Variants in TSPAN8 observed in about 807,000 individuals in gnomAD.
The protein encoded by TSPAN8 is tetraspanin-8.
In TSPAN8, 21 loss-of-function variants were observed where a neutral mutation model predicts 32.8. The ratio of observed to expected loss-of-function variants is 0.64; its 90% CI spans 0.45 to 0.92. The LOEUF (loss-of-function observed/expected upper bound fraction) is 0.92. Among genes scored for constraint, TSPAN8 ranks in the 40% least tolerant of loss-of-function variants. The pLI is 0.00. For synonymous variants in TSPAN8, 95 were observed against 94.6 expected (o/e 1.00, Z -0.03); for missense variants, 269 against 281.9 (o/e 0.95, Z 0.33).
At chr12:71,150,528 G>C (rs117672266) in intron 2 of TSPAN8, among the ~76,000 whole-genome samples, 1 of 151,996 alleles carries the variant, frequency 6.6e-6, no homozygotes, top group Admixed American at 6.6e-5. Flanking sequence ...TGTCACCCCC[G>C]GCAGCCCAGC....
In TSPAN8 at chr12:71,132,801, A is replaced by G. The variant is rs749879513; in HGVS notation, c.468T>C (p.Asn156=). ...QEEFKCCGLV[N]GAADWGNNFQ... ...AATTATTTCCCCAATCAGCAGCTCC[A>G]TTGACCAAACCGCAGCATTTAAACT... is the stretch of plus-strand genomic sequence containing the variant. The change falls in exon 7 of 9, where the codon AAT becomes AAC. Residue 156 remains asparagine (N), a synonymous_variant. Transcript: ENST00000247829. The G allele has an allele frequency of 6.2e-7, 1 of 1,614,010 alleles. No individual in the cohort carries two copies. Among genetic ancestry groups the G allele is most frequent in the Non-Finnish European group, 8.5e-7 (1 of 1,179,964 alleles).
intron 6 of TSPAN8, among the ~76,000 whole-genome samples, chr12:71,135,703 T>C (rs1445038907): frequency 2.0e-5 from 3 of 152,094 alleles, no homozygotes; most frequent in African/African-American, 7.2e-5. Flanking sequence ...AAACCCAGGA[T>C]TGGCATGGAG....
intron 8 of TSPAN8, among the ~76,000 whole-genome samples, chr12:71,126,488 T>A (rs1705264): frequency 0.82 from 124,612 of 151,860 alleles, 51,325 homozygotes; most frequent in Admixed American, 0.87. Context: ...ATAGAAGCCG[T>A]CAATTTATCA....
At chr12:71,142,817 GAAC>G (rs767408005) in intron 3 of TSPAN8, among the ~76,000 whole-genome samples, 12 of 107,302 alleles carry the variant, frequency 1.1e-4, no homozygotes, top group African/African-American at 3.2e-4. Flanking sequence ...AAAAGGAAAA[GAAC>G]AACAGGAGAG....
intron 6 of TSPAN8, among the ~76,000 whole-genome samples, chr12:71,135,224 A>G (rs973948163): frequency 0.016 from 842 of 54,316 alleles, 11 homozygotes; most frequent in African/African-American, 0.034. Context: ...AGGAGGAGGA[A>G]GAAGAAGGAG....
intron 2 of TSPAN8, among the ~76,000 whole-genome samples, chr12:71,145,751 G>C (rs2137057017): frequency 6.6e-6 from 1 of 152,150 alleles, no homozygotes; most frequent in Non-Finnish European, 1.5e-5. Context: ...TTTGTTTGTT[G>C]TTTAGTTTGT....
intron 2 of TSPAN8, among the ~76,000 whole-genome samples, chr12:71,144,470 G>T (rs1443054786): frequency 6.6e-6 from 1 of 152,074 alleles, no homozygotes; most frequent in Non-Finnish European, 1.5e-5. Flanking sequence ...ATTTCCATTA[G>T]GCCTGGAAAG....
rs1871309611 is a variant in TSPAN8, at chr12:71,125,111, CTTTTA to C, written c.*218_*222del. ...AGAAAAGCACCAACGTAAACAGTTACTTTTATTTTGAGTAAAAATACACATTCATA... is the reference window on the plus strand; with the variant it reads ...AGAAAAGCACCAACGTAAACAGTTACTTTTGAGTAAAAATACACATTCATA... On this transcript the variant is annotated 3_prime_UTR_variant, in exon 9 of 9. Coordinates refer to ENST00000247829, the MANE Select transcript of TSPAN8 (RefSeq NM_004616.3). 4.4e-6 allele frequency: 2 copies of C among 449,504 alleles called. No homozygotes were observed. Among genetic ancestry groups the C allele is most frequent in the Non-Finnish European group, 7.9e-6 (2 of 252,172 alleles). 27.8% of individuals were successfully genotyped at this position (449,504 alleles called of 1,614,324 possible).
chr12:71,130,867 A>T (rs1565782602), intron 7 of TSPAN8, among the ~76,000 whole-genome samples: 1 of 152,216 alleles, frequency 6.6e-6, no homozygotes, highest in African/African-American at 2.4e-5. Context: ...AATTATGGCC[A>T]TTCCATATTT....
At chr12:71,153,770 T>C (rs1223505890) in intron 2 of TSPAN8, among the ~76,000 whole-genome samples, 1 of 152,176 alleles carries the variant, frequency 6.6e-6, no homozygotes, top group African/African-American at 2.4e-5. Flanking sequence ...CTGCTGCCTA[T>C]ATTTGAATTT....
rs144070931 is a variant in TSPAN8 at position 71,125,345 on chromosome 12, C to A, written c.703G>T (p.Gly235Trp). ...ATGCATCCACAGATTCATTTGTTCC[C>A]GATCTGGCAATACAGGACCATAGAA... is the stretch of plus-strand genomic sequence containing the variant. ...VFSMVLYCQI[G>W]NK is the part of the protein sequence containing the mutation. Residue 235 changes from glycine (G) to tryptophan (W), a missense_variant, in exon 9 of 9, where the codon GGG becomes TGG. Coordinates refer to ENST00000247829, the MANE Select transcript of TSPAN8 (RefSeq NM_004616.3). The A allele has an allele frequency of 6.2e-7, 1 of 1,612,200 alleles. No homozygotes were observed. The highest frequency in any genetic ancestry group is 8.5e-7 in the Non-Finnish European group (1 of 1,179,258).
intron 7 of TSPAN8, among the ~76,000 whole-genome samples, chr12:71,130,025 T>G (rs1376780033): frequency 6.6e-6 from 1 of 151,160 alleles, no homozygotes; most frequent in East Asian, 2.0e-4. Flanking sequence ...CAATCTTGGC[T>G]CACTGCAGCC....
chr12:71,132,855 T>C, intron 6 of TSPAN8, 31 bp from the exon 7 acceptor site: 1 of 1,612,514 alleles, frequency 6.2e-7, no homozygotes, highest in South Asian at 1.1e-5. Flanking sequence ...TGAGAAGCAG[T>C]CAGTAAGAAG....
chr12:71,143,925 C>G (rs190550554), intron 3 of TSPAN8, among the ~76,000 whole-genome samples: 2 of 152,092 alleles, frequency 1.3e-5, no homozygotes, highest in Non-Finnish European at 2.9e-5. Context: ...AATAACACCT[C>G]CTCCATTCTC....
chr12:71,130,270 C>G (rs554570236), intron 7 of TSPAN8, among the ~76,000 whole-genome samples: 1 of 152,216 alleles, frequency 6.6e-6, no homozygotes, highest in African/African-American at 2.4e-5. Flanking sequence ...AACATATTTT[C>G]AAAATCCCTT....
intron 3 of TSPAN8, 29 bp from the exon 4 acceptor site, chr12:71,139,877 A>C (rs1871844678): frequency 6.4e-7 from 1 of 1,562,544 alleles, no homozygotes; most frequent in African/African-American, 1.6e-5. Flanking sequence ...TAATGGCAGA[A>C]AATTTATTTC....
intron 2 of TSPAN8, among the ~76,000 whole-genome samples, chr12:71,152,919 C>T (rs925232233): frequency 2.3e-4 from 35 of 152,280 alleles, no homozygotes; most frequent in African/African-American, 6.3e-4. Context: ...AATGCTGGAT[C>T]CTGGACTCTC....
intron 2 of TSPAN8, among the ~76,000 whole-genome samples, chr12:71,156,250 C>CAAAAA (rs763217771): frequency 3.3e-4 from 8 of 24,360 alleles, no homozygotes; most frequent in East Asian, 1.5e-3. Flanking sequence ...CAAAGTTCTC[C>CAAAAA]AAAAAAAAAA....
At chr12:71,134,872 A>G (rs1871630275) in intron 6 of TSPAN8, among the ~76,000 whole-genome samples, 1 of 152,230 alleles carries the variant, frequency 6.6e-6, no homozygotes, top group African/African-American at 2.4e-5. Flanking sequence ...TACATCAGAG[A>G]TAAGAGCAGT....
Sources: allele counts gnomAD v4.1 joint callset (sites outside exome capture counted in the v4.1 genomes callset), GRCh38; gene constraint gnomAD v4.1.1; transcripts MANE v1.5; gene names NCBI Gene and HGNC (gene_info 2026-07-23, HGNC 2026-07-21).